The following PCDH15 variants were observed in gnomAD, a reference collection of about 807,000 sequenced individuals.
PCDH15 encodes protocadherin related 15.
PCDH15 carries 129 observed loss-of-function variants against 178.5 expected under a neutral mutation model. That is an observed-to-expected ratio of 0.72 (90% CI 0.63 to 0.84). The LOEUF (loss-of-function observed/expected upper bound fraction) is 0.84, where lower values mean the gene tolerates loss of function less well. Ranked by LOEUF, PCDH15 falls within the 40% of genes least tolerant of loss-of-function variation. The pLI, the probability that PCDH15 is intolerant of heterozygous loss-of-function variation, is 0.00. For synonymous variants in PCDH15, 800 were observed against 732.0 expected (o/e 1.09, Z -1.50); for missense variants, 2,230 against 2,099.9 (o/e 1.06, Z -1.21).
intron 2 of PCDH15, among the ~76,000 whole-genome samples, chr10:54,565,674 G>C (rs1176488048): frequency 7.9e-5 from 12 of 152,146 alleles, no homozygotes; most frequent in Non-Finnish European, 1.5e-5. Context: ...TTACCTAGCT[G>C]TTTGCAATTG....
intron 9 of PCDH15, among the ~76,000 whole-genome samples, chr10:54,231,074 G>A (rs1423352164): frequency 6.6e-6 from 1 of 152,156 alleles, no homozygotes; most frequent in African/African-American, 2.4e-5. Context: ...CTACATATAT[G>A]ATTAAGGGGT....
At chr10:55,224,068 A>AACTGGACAAC (rs1400416511) in intron 1 of PCDH15, among the ~76,000 whole-genome samples, 5 of 152,042 alleles carry the variant, frequency 3.3e-5, no homozygotes, top group African/African-American at 1.2e-4. Flanking sequence ...CCTGGACAAC[A>AACTGGACAAC]TGGCGAAGCC....
rs766154490 is a variant in PCDH15 at position 54,691,440 on chromosome 10, T to TA, written c.-28-27151dup. On this transcript the variant is annotated intron_variant, in intron 1 of 37. Coordinates refer to ENST00000644397, the MANE Select transcript of PCDH15 (RefSeq NM_001384140.1). Reference sequence around the variant, plus strand: ...TCCTATAAATTTCCTTCAGTATTCCTAAGACTAAACTAATCTGAACCTCAT... The same window carrying TA: ...TCCTATAAATTTCCTTCAGTATTCCTAAAGACTAAACTAATCTGAACCTCAT... Among the ~76,000 whole-genome samples, 6 of 152,022 alleles carry TA rather than the reference T, an allele frequency of 3.9e-5. No homozygotes were observed. In the East Asian group the frequency reaches 9.7e-4, roughly 25 times the overall value.
intron 2 of PCDH15, among the ~76,000 whole-genome samples, chr10:55,124,314 G>C (rs2132069709): frequency 6.6e-6 from 1 of 152,192 alleles, no homozygotes; most frequent in African/African-American, 2.4e-5. Context: ...CTCTGAGGTA[G>C]GGTTGATATG....
chr10:55,410,752 C>T (rs1353610292), intron 2 of PCDH15, among the ~76,000 whole-genome samples: 1 of 152,088 alleles, frequency 6.6e-6, no homozygotes, highest in Admixed American at 6.6e-5. Flanking sequence ...ACAACTGCTG[C>T]TCAGTAATTA....
intron 3 of PCDH15, among the ~76,000 whole-genome samples, chr10:54,404,658 ATT>A (rs1952394391): frequency 6.6e-6 from 1 of 152,164 alleles, no homozygotes; most frequent in South Asian, 2.1e-4. Context: ...ACGGGATCTA[ATT>A]AAGCTAAACA....
At chr10:54,793,647 T>C (rs1414137227) in intron 1 of PCDH15, among the ~76,000 whole-genome samples, 5 of 149,394 alleles carry the variant, frequency 3.3e-5, no homozygotes, top group African/African-American at 9.8e-5. Flanking sequence ...AATTTATATA[T>C]GTATATATAT....
chr10:55,541,524 A>G (rs1841759513), intron 2 of PCDH15, among the ~76,000 whole-genome samples: 1 of 151,818 alleles, frequency 6.6e-6, no homozygotes, highest in African/African-American at 2.4e-5. Flanking sequence ...GATTGTATAC[A>G]TTTTCTTTAT....
chr10:55,150,585 G>A (rs1235791676), intron 2 of PCDH15, among the ~76,000 whole-genome samples: 3 of 152,020 alleles, frequency 2.0e-5, no homozygotes, highest in Non-Finnish European at 4.4e-5. Context: ...TTCACAACTG[G>A]AGGGTAAAAA....
chr10:55,112,276 A>T (rs1416983523), intron 2 of PCDH15, among the ~76,000 whole-genome samples: 1 of 152,166 alleles, frequency 6.6e-6, no homozygotes, highest in African/African-American at 2.4e-5. Context: ...TAGTACCTTT[A>T]TTAAAAAGAA....
chr10:55,611,712 A>G (rs1843369720), intron 2 of PCDH15, among the ~76,000 whole-genome samples: 1 of 152,094 alleles, frequency 6.6e-6, no homozygotes, highest in Admixed American at 6.6e-5. Context: ...TTCCATGTTC[A>G]TTGCAGCATT....
At chr10:54,296,117 C>A (rs1258810361) in intron 8 of PCDH15, among the ~76,000 whole-genome samples, 1 of 124,638 alleles carries the variant, frequency 8.0e-6, no homozygotes, top group African/African-American at 3.2e-5. Context: ...TGCACTCCAG[C>A]CTGGGCGACA....
chr10:54,869,799 T>C (rs944041104), intron 3 of PCDH15, among the ~76,000 whole-genome samples: 3 of 152,128 alleles, frequency 2.0e-5, no homozygotes, highest in Admixed American at 6.6e-5. Flanking sequence ...AAGCATTTGA[T>C]CTTTCTCCCC....
chr10:54,114,977 T>G (rs2132758529), intron 15 of PCDH15, among the ~76,000 whole-genome samples: 1 of 152,282 alleles, frequency 6.6e-6, no homozygotes, highest in Admixed American at 6.5e-5. Context: ...TCATTTTAGG[T>G]AATTTTTTTA....
intron 2 of PCDH15, among the ~76,000 whole-genome samples, chr10:54,968,018 G>C (rs755522136): frequency 6.6e-6 from 1 of 152,066 alleles, no homozygotes; most frequent in Non-Finnish European, 1.5e-5. Flanking sequence ...AGGTATTGGG[G>C]GTTATAGTTT....
At chr10:54,087,171 A>G (rs2094528191) in intron 16 of PCDH15, among the ~76,000 whole-genome samples, 1 of 152,010 alleles carries the variant, frequency 6.6e-6, no homozygotes, top group Admixed American at 6.6e-5. Context: ...ATTTTAATTC[A>G]GATATCATAA....
chr10:55,231,541 A>G (rs1564914531), intron 1 of PCDH15, among the ~76,000 whole-genome samples: 2 of 152,032 alleles, frequency 1.3e-5, no homozygotes, highest in South Asian at 2.1e-4. Flanking sequence ...AAAATTGGCA[A>G]TCTATTCCAA....
intron 3 of PCDH15, among the ~76,000 whole-genome samples, chr10:54,398,150 C>T (rs1251400837): frequency 6.6e-6 from 1 of 151,148 alleles, no homozygotes; most frequent in Non-Finnish European, 1.5e-5. Flanking sequence ...TTTATTTTTG[C>T]CTGTCTTTAA....
chr10:55,194,281 CATT>C (rs1840023906), intron 1 of PCDH15, among the ~76,000 whole-genome samples: 1 of 152,022 alleles, frequency 6.6e-6, no homozygotes, highest in South Asian at 2.1e-4. Flanking sequence ...CTCTCTTCAT[CATT>C]CTTTTATCTC....
Sources: gnomAD v4.1 joint callset for allele counts (sites outside exome capture counted in the v4.1 genomes callset) on GRCh38, gnomAD v4.1.1 for gene constraint, MANE v1.5 for transcripts, NCBI Gene and HGNC (gene_info 2026-07-23, HGNC 2026-07-21) for gene names.